The following PPP4R2 variants were observed in gnomAD, a reference collection of about 807,000 sequenced individuals.
PPP4R2 encodes protein phosphatase 4 regulatory subunit 2, also known as serine/threonine-protein phosphatase 4 regulatory subunit 2.
A neutral mutation model predicts 47.2 loss-of-function variants in PPP4R2; 13 were observed. The ratio of observed to expected loss-of-function variants is 0.28; its 90% CI spans 0.18 to 0.44. The LOEUF (loss-of-function observed/expected upper bound fraction) is 0.44, where lower values mean the gene tolerates loss of function less well. Among genes scored for constraint, PPP4R2 ranks in the 20% least tolerant of loss-of-function variants. The pLI, the probability that PPP4R2 is intolerant of heterozygous loss-of-function variation, is 1.00. For synonymous variants in PPP4R2, 151 were observed against 163.3 expected, an observed-to-expected ratio of 0.92 and a Z score of 0.57; for missense variants, 421 against 491.2, an observed-to-expected ratio of 0.86 and a Z score of 1.35.
chr3:72,997,084 G>GC lies in PPP4R2; in HGVS notation c.34+18dup. The GC allele has an allele frequency of 1.4e-6, 2 of 1,383,524 alleles. No individual in the cohort carries two copies. Among genetic ancestry groups the GC allele is most frequent in the African/African-American group, 3.0e-5 (2 of 67,506 alleles). The allele number at this position is 1,383,524 out of a possible 1,614,324, so 85.7% of individuals were successfully genotyped here. ...GAGGCGCTGAAAGGTGGGGGTAGCTGCCCCCTCTCCATTCCCCCTCACCTT... is the reference window on the plus strand; with the variant it reads ...GAGGCGCTGAAAGGTGGGGGTAGCTGCCCCCCTCTCCATTCCCCCTCACCTT... On this transcript the variant is annotated intron_variant, in intron 1 of 8. Coordinates refer to ENST00000356692, the MANE Select transcript of PPP4R2 (RefSeq NM_174907.4).
At chr3:73,058,564 A>G (rs1008260346) in intron 3 of PPP4R2, among the ~76,000 whole-genome samples, 10 of 152,074 alleles carry the variant, frequency 6.6e-5, no homozygotes, top group African/African-American at 2.2e-4. Flanking sequence ...TTTATGGGGT[A>G]CATGAGATAT....
intron 2 of PPP4R2, among the ~76,000 whole-genome samples, chr3:73,024,649 G>C (rs993863959): frequency 1.2e-4 from 18 of 151,742 alleles, no homozygotes; most frequent in African/African-American, 4.1e-4. Flanking sequence ...CTTCCTTCCT[G>C]CCTCCCTCCC....
intron 2 of PPP4R2, among the ~76,000 whole-genome samples, chr3:73,041,305 TAG>T (rs1702374407): frequency 6.6e-6 from 1 of 152,228 alleles, no homozygotes; most frequent in Admixed American, 6.5e-5. Flanking sequence ...GCCCCATTTA[TAG>T]AGAGAGTAAT....
At chr3:73,018,891 A>G (rs922236148) in intron 2 of PPP4R2, among the ~76,000 whole-genome samples, 3 of 152,074 alleles carry the variant, frequency 2.0e-5, no homozygotes, top group Non-Finnish European at 4.4e-5. Flanking sequence ...ACATGTATCA[A>G]TTGCATTTTC....
At chr3:73,023,250 CTCAACCTCTGCTCACT>C (rs777640029) in intron 2 of PPP4R2, among the ~76,000 whole-genome samples, 8 of 151,074 alleles carry the variant, frequency 5.3e-5, no homozygotes, top group Non-Finnish European at 1.2e-4. Flanking sequence ...ATGGCGCGAT[CTCAACCTCTGCTCACT>C]GCAACCTCTG....
chr3:73,057,857 G>T (rs1420365961), intron 3 of PPP4R2, among the ~76,000 whole-genome samples: 1 of 152,022 alleles, frequency 6.6e-6, no homozygotes, highest in Non-Finnish European at 1.5e-5. Flanking sequence ...TATACCTTGT[G>T]GTGGAAGAAA....
Position 72,998,149 on chromosome 3 carries a change from G to A in PPP4R2, c.107G>A (p.Gly36Glu). ...DQFLCHVAKTGETMIQWSQFK... is the reference protein window; with the variant it reads ...DQFLCHVAKTEETMIQWSQFK... ...TTTCTTTGTCATGTAGCCAAGACTG[G>A]AGAAACAATGTGAGTTGAAAACATG... The change falls in exon 2 of 9, where the codon GGA becomes GAA. Residue 36 changes from glycine (G) to glutamate (E), a missense_variant. By Grantham distance (98) the Gly-to-Glu change is moderately conservative (BLOSUM62 -2). Around this residue, in one of 2 missense-constraint regions of PPP4R2, gnomAD observed 104 missense variants for 203.7 expected, o/e 0.51. Coordinates refer to ENST00000356692, the MANE Select transcript of PPP4R2 (RefSeq NM_174907.4). 6.2e-7 allele frequency: 1 copy of A among 1,601,444 alleles called. No homozygotes were observed. Among genetic ancestry groups the A allele is most frequent in the Non-Finnish European group, 8.5e-7 (1 of 1,174,012 alleles).
intron 1 of PPP4R2, 105 bp downstream of exon 1, chr3:72,997,176 G>A: frequency 1.1e-6 from 1 of 922,274 alleles, no homozygotes; most frequent in Non-Finnish European, 1.5e-6. Context: ...CGCGGCGTGG[G>A]GAGAGTGCTT....
intron 2 of PPP4R2, among the ~76,000 whole-genome samples, chr3:73,040,227 T>C (rs776126966): frequency 1.1e-4 from 16 of 152,304 alleles, no homozygotes; most frequent in Non-Finnish European, 2.1e-4. Flanking sequence ...TACTAGCATA[T>C]TGACAGAATT....
chr3:73,062,993 G>C, intron 5 of PPP4R2: 3 of 1,101,648 alleles, frequency 2.7e-6, no homozygotes, highest in Non-Finnish European at 4.0e-6. Context: ...GGGCCATTGT[G>C]TCTGAGATCC....
At chr3:73,004,130 C>A (rs1701543641) in intron 2 of PPP4R2, among the ~76,000 whole-genome samples, 1 of 151,978 alleles carries the variant, frequency 6.6e-6, no homozygotes, top group Non-Finnish European at 1.5e-5. Context: ...GCCACTGCGC[C>A]TGGCCTGGAG....
intron 2 of PPP4R2, among the ~76,000 whole-genome samples, chr3:73,026,676 C>G (rs957590510): frequency 6.7e-6 from 1 of 149,056 alleles, no homozygotes; most frequent in Non-Finnish European, 1.5e-5. Flanking sequence ...CATAAACTTT[C>G]TTGAAACATT....
chr3:73,061,095 T>G, intron 5 of PPP4R2, 35 bp downstream of exon 5: 1 of 1,011,958 alleles, frequency 9.9e-7, no homozygotes, highest in Non-Finnish European at 1.4e-6. Context: ...GTATATTATT[T>G]ACTATATTTA....
At chr3:73,041,220 C>A (rs746872037) in intron 2 of PPP4R2, among the ~76,000 whole-genome samples, 12 of 152,104 alleles carry the variant, frequency 7.9e-5, no homozygotes, top group Non-Finnish European at 1.6e-4. Flanking sequence ...TTCCACTGAT[C>A]TATTTTAATG....
At chr3:73,062,246 ACAGCCCAG>A (rs1559569696) in intron 5 of PPP4R2, 2 of 1,599,168 alleles carry the variant, frequency 1.3e-6, no homozygotes, top group African/African-American at 1.4e-5. Flanking sequence ...GAAAGGACTC[ACAGCCCAG>A]CAGCCCAGGA....
rs1023922546 is a variant in PPP4R2 at position 73,066,658 on chromosome 3, CT to C, written c.*940del. 11 of 152,012 alleles carry C rather than the reference CT, an allele frequency of 7.2e-5. No homozygotes were observed. Among genetic ancestry groups the C allele is most frequent in the African/African-American group, 2.7e-4 (11 of 41,426 alleles). The allele number at this position is 152,012 out of a possible 1,614,324, so 9.4% of individuals were successfully genotyped here. Reference sequence around the variant, plus strand: ...AGTAGGTTCCTTGACCTTTTGCTTGCTTTTCTGAACATTGTGAATATTACAC... The same window carrying C: ...AGTAGGTTCCTTGACCTTTTGCTTGCTTTCTGAACATTGTGAATATTACAC... On this transcript the variant is annotated 3_prime_UTR_variant, in exon 9 of 9. Transcript: ENST00000356692.
At chr3:73,020,701 C>CT (rs1429314443) in intron 2 of PPP4R2, among the ~76,000 whole-genome samples, 2 of 141,424 alleles carry the variant, frequency 1.4e-5, no homozygotes, top group East Asian at 4.3e-4. Flanking sequence ...AGTTAAAAAA[C>CT]TTTTTTTGTA....
intron 2 of PPP4R2, among the ~76,000 whole-genome samples, chr3:73,045,639 G>A (rs532805509): frequency 2.7e-4 from 40 of 149,048 alleles, no homozygotes; most frequent in Middle Eastern, 3.5e-3. Context: ...GATTCTCCTT[G>A]CCTCAGCCTC....
At chr3:73,029,226 C>T (rs1481466858) in intron 2 of PPP4R2, among the ~76,000 whole-genome samples, 1 of 152,236 alleles carries the variant, frequency 6.6e-6, no homozygotes, top group Non-Finnish European at 1.5e-5. Context: ...CAGGCGTGAG[C>T]CACTTCGCCT....
Sources: allele counts gnomAD v4.1 joint callset (sites outside exome capture counted in the v4.1 genomes callset), GRCh38; gene constraint gnomAD v4.1.1; regional missense constraint gnomAD v4.1.1; transcripts MANE v1.5; gene names NCBI Gene and HGNC (gene_info 2026-07-23, HGNC 2026-07-21).